Variants in UTRN observed in about 807,000 individuals in gnomAD.
UTRN encodes the protein utrophin.
Under a neutral mutation model 463.9 loss-of-function variants are expected in UTRN, and 283 were observed. The observed-to-expected ratio is 0.61, with a 90% confidence interval of 0.55 to 0.67. The LOEUF (loss-of-function observed/expected upper bound fraction) is 0.67, where lower values mean the gene tolerates loss of function less well. UTRN is among the 30% of genes least tolerant of loss of function. The probability of loss-of-function intolerance (pLI) is 0.00; values close to 1 mark genes in which losing one functional copy is unlikely to be tolerated. For missense variants in UTRN, 3,922 were observed against 4,084.3 expected (o/e 0.96, Z 1.08); for synonymous variants, 1,442 against 1,431.5 (o/e 1.01, Z -0.17).
At chr6:144,618,616 C>T (rs1775020892) in intron 51 of UTRN, among the ~76,000 whole-genome samples, 1 of 152,010 alleles carries the variant, frequency 6.6e-6, no homozygotes, top group South Asian at 2.1e-4. Flanking sequence ...AAAAAATGAG[C>T]CCCATTTTAA....
At chr6:144,798,852 C>G (rs1196062034) in intron 64 of UTRN, among the ~76,000 whole-genome samples, 1 of 152,256 alleles carries the variant, frequency 6.6e-6, no homozygotes, top group African/African-American at 2.4e-5. Flanking sequence ...CGCGATTCCC[C>G]TGCCTCGGCC....
intron 51 of UTRN, among the ~76,000 whole-genome samples, chr6:144,587,291 A>T (rs1802556945): frequency 6.6e-6 from 1 of 152,124 alleles, no homozygotes; most frequent in African/African-American, 2.4e-5. Context: ...ACTACTTCTG[A>T]ATATTCTGTG....
chr6:144,392,631 T>C (rs567138278), intron 2 of UTRN, among the ~76,000 whole-genome samples: 1 of 152,316 alleles, frequency 6.6e-6, no homozygotes, highest in Admixed American at 6.5e-5. Context: ...GTTTAGCCTT[T>C]CTAATTAAAT....
intron 53 of UTRN, among the ~76,000 whole-genome samples, chr6:144,717,060 T>C (rs188493259): frequency 6.6e-6 from 1 of 152,238 alleles, no homozygotes; most frequent in Non-Finnish European, 1.5e-5. Flanking sequence ...TGACTTTTGA[T>C]ATATTGCCAG....
intron 40 of UTRN, among the ~76,000 whole-genome samples, chr6:144,522,807 C>G (rs527506221): frequency 6.6e-6 from 1 of 151,162 alleles, no homozygotes; most frequent in East Asian, 1.9e-4. Flanking sequence ...TTTTTCCTGC[C>G]TTGAGTATAT....
intron 9 of UTRN, among the ~76,000 whole-genome samples, chr6:144,435,105 A>T (rs9496972): frequency 6.6e-6 from 1 of 152,160 alleles, no homozygotes; most frequent in Non-Finnish European, 1.5e-5. Context: ...TTAACAAACC[A>T]TAGCTGTTAA....
At chr6:144,818,398 T>G (rs1245562466) in intron 65 of UTRN, among the ~76,000 whole-genome samples, 1 of 152,134 alleles carries the variant, frequency 6.6e-6, no homozygotes, top group Non-Finnish European at 1.5e-5. Flanking sequence ...ACCTTACCCT[T>G]TCTGAGGCAC....
intron 11 of UTRN, among the ~76,000 whole-genome samples, chr6:144,438,371 T>C (rs1786796102): frequency 6.6e-6 from 1 of 152,270 alleles, no homozygotes; most frequent in Non-Finnish European, 1.5e-5. Context: ...TTGATCTACT[T>C]TTCCATTTTG....
chr6:144,837,277 G>GAT (rs1424303933), intron 71 of UTRN: 1 of 152,168 alleles, frequency 6.6e-6, no homozygotes, highest in African/African-American at 2.4e-5. Flanking sequence ...TGTTCTTTGA[G>GAT]ATATAAAAGA....
chr6:144,484,419 T>C (rs1031788623), intron 27 of UTRN, among the ~76,000 whole-genome samples: 2 of 150,792 alleles, frequency 1.3e-5, no homozygotes, highest in African/African-American at 4.9e-5. Context: ...TTTCATTTTG[T>C]TCAAAAACCA....
chr6:144,509,005 C>T (rs1794941485), intron 34 of UTRN, among the ~76,000 whole-genome samples: 1 of 152,102 alleles, frequency 6.6e-6, no homozygotes. Context: ...TGGGTTCCCT[C>T]TCTTTATGCT....
Position 144,716,761 on chromosome 6 carries a change from GT to G in UTRN, c.7810-13591del, listed in dbSNP as rs549912871. ...TTGCATAGTTTTACTTGGGTGCAGA[GT>G]TTTTATGTCATCTTTTTCACTTAGA... is the stretch of plus-strand genomic sequence containing the variant. On this transcript the variant is annotated intron_variant, in intron 53 of 74. Transcript: ENST00000367545. 1.1e-4 allele frequency among the ~76,000 whole-genome samples: 16 copies of G among 152,148 alleles called. No homozygotes were observed. The South Asian group carries it at 3.3e-3, about 32-fold the overall frequency.
chr6:144,604,150 C>G (rs936649500), intron 51 of UTRN, among the ~76,000 whole-genome samples: 5 of 152,130 alleles, frequency 3.3e-5, no homozygotes, highest in African/African-American at 7.2e-5. Flanking sequence ...TAAGTCATAT[C>G]TCTGAGCTCG....
chr6:144,633,708 A>C (rs2128656385), intron 51 of UTRN, among the ~76,000 whole-genome samples: 1 of 152,288 alleles, frequency 6.6e-6, no homozygotes, highest in South Asian at 2.1e-4. Context: ...GCACTACACT[A>C]ATATTCTATT....
chr6:144,533,089 T>G lies in UTRN; in HGVS notation c.6062T>G (p.Leu2021Arg). ...LEKARIHQQE[L>R]EVGISSHQPS... ...TTGAGTTGTGCTCTGTTACAGGAAC[T>G]TGAGGTGGGCATCAGCAGCCACCAG... The change falls in exon 43 of 75, where the codon CTT becomes CGT. Residue 2021 changes from leucine (L) to arginine (R), a missense_variant. Coordinates refer to ENST00000367545, the MANE Select transcript of UTRN (RefSeq NM_007124.3). 1 of 1,569,452 alleles carries G rather than the reference T, an allele frequency of 6.4e-7. No individual in the cohort carries two copies. The highest frequency in any genetic ancestry group is 8.8e-7 in the Non-Finnish European group (1 of 1,139,958).
At chr6:144,526,181 T>C (rs753424888) in intron 41 of UTRN, among the ~76,000 whole-genome samples, 13 of 152,208 alleles carry the variant, frequency 8.5e-5, no homozygotes, top group Non-Finnish European at 1.6e-4. Flanking sequence ...GAATGTTCCG[T>C]AAGTATCTGT....
chr6:144,525,678 A>G (rs1386117336), intron 41 of UTRN, among the ~76,000 whole-genome samples: 1 of 147,324 alleles, frequency 6.8e-6, no homozygotes, highest in Non-Finnish European at 1.5e-5. Context: ...TTTCATTTTC[A>G]TTTAGCTCTG....
chr6:144,414,304 C>T (rs1333847069), intron 3 of UTRN, among the ~76,000 whole-genome samples: 1 of 152,088 alleles, frequency 6.6e-6, no homozygotes. Flanking sequence ...GATCCTCACC[C>T]TGTGTAGGCC....
chr6:144,699,476 T>TTTTTTTTTG (rs1184210316), intron 52 of UTRN, among the ~76,000 whole-genome samples: 8 of 71,380 alleles, frequency 1.1e-4, no homozygotes, highest in Non-Finnish European at 1.9e-4. Context: ...GTCAGTGGTT[T>TTTTTTTTTG]TTTTTTTTTT....
Sources: allele counts gnomAD v4.1 joint callset (sites outside exome capture counted in the v4.1 genomes callset), GRCh38; gene constraint gnomAD v4.1.1; transcripts MANE v1.5; gene names NCBI Gene and HGNC (gene_info 2026-07-23, HGNC 2026-07-21).